Variants in BAZ2B observed in about 807,000 individuals in gnomAD.
BAZ2B encodes the protein bromodomain adjacent to zinc finger domain protein 2B.
BAZ2B carries 91 observed loss-of-function variants against 246.0 expected under a neutral mutation model. That is an observed-to-expected ratio of 0.37 (90% CI 0.31 to 0.44). The LOEUF is 0.44. Among genes scored for constraint, BAZ2B ranks in the 20% least tolerant of loss-of-function variants. The probability of loss-of-function intolerance (pLI) is 1.00; values close to 1 mark genes in which losing one functional copy is unlikely to be tolerated. For synonymous variants in BAZ2B, 855 were observed against 860.0 expected, an observed-to-expected ratio of 0.99 and a Z score of 0.10; for missense variants, 2,332 against 2,533.7, an observed-to-expected ratio of 0.92 and a Z score of 1.71.
intron 3 of BAZ2B, among the ~76,000 whole-genome samples, chr2:159,466,965 C>G (rs572394670): frequency 7.5e-4 from 114 of 152,152 alleles, no homozygotes; most frequent in Non-Finnish European, 1.3e-3. Context: ...TGAGTACCCA[C>G]GAGCCAGTCA....
chr2:159,495,849 G>A (rs903589452), intron 2 of BAZ2B, among the ~76,000 whole-genome samples: 4 of 150,552 alleles, frequency 2.7e-5, no homozygotes, highest in African/African-American at 9.7e-5. Context: ...CTCACTGGAA[G>A]CTCTGCCTCC....
intron 2 of BAZ2B, among the ~76,000 whole-genome samples, chr2:159,507,882 A>C (rs778539976): frequency 9.2e-5 from 14 of 152,080 alleles, no homozygotes; most frequent in Non-Finnish European, 1.6e-4. Context: ...TAAGTTACTT[A>C]TTTATTTATT....
intron 2 of BAZ2B, among the ~76,000 whole-genome samples, chr2:159,523,692 C>G (rs556565068): frequency 6.6e-6 from 1 of 151,778 alleles, no homozygotes; most frequent in Non-Finnish European, 1.5e-5. Context: ...AGTGAGACTC[C>G]GTCTCAAAAA....
At chr2:159,654,336 T>C in the BAZ2B span, among the ~76,000 whole-genome samples, 11,663 of 152,082 alleles carry the variant, frequency 0.077, 949 homozygotes, top group African/African-American at 0.2. Flanking sequence ...GGTTGAAATA[T>C]ATATGTTGGT....
chr2:159,420,649 TAAC>T (rs2068590773), intron 13 of BAZ2B, among the ~76,000 whole-genome samples: 1 of 152,196 alleles, frequency 6.6e-6, no homozygotes, highest in African/African-American at 2.4e-5. Flanking sequence ...AATACGTTAT[TAAC>T]AATTTATTTT....
chr2:159,377,812 C>CAAAAAAAAAAAAAAAAAAAAAAAA (rs35570732), intron 25 of BAZ2B, among the ~76,000 whole-genome samples: 4 of 94,200 alleles, frequency 4.2e-5, no homozygotes, highest in African/African-American at 1.6e-4. Context: ...ACTCTGTCTC[C>CAAAAAAAAAAAAAAAAAAAAAAAA]AAAAAAAAAA....
the BAZ2B span, among the ~76,000 whole-genome samples, chr2:159,621,960 G>A: frequency 6.6e-6 from 1 of 152,154 alleles, no homozygotes; most frequent in East Asian, 1.9e-4. Context: ...TACAAAATTA[G>A]CCAAGCGTGG....
intron 16 of BAZ2B, among the ~76,000 whole-genome samples, chr2:159,402,092 T>C (rs945471926): frequency 6.6e-6 from 1 of 152,222 alleles, no homozygotes; most frequent in African/African-American, 2.4e-5. Context: ...ACTGATCACA[T>C]TCTTTGATTT....
intron 35 of BAZ2B, 124 bp from the exon 36 acceptor site, chr2:159,325,078 TATATATATATATA>T (rs2063389169): frequency 6.0e-4 from 1 of 1,658 alleles, no homozygotes; most frequent in African/African-American, 1.8e-3. Flanking sequence ...ATATATATAT[TATATATATATATA>T]TTATATATAT....
chr2:159,462,370 C>T lies in BAZ2B; in HGVS notation c.146-8569G>A, dbSNP rs189549145. 709 of 1,161,380 alleles carry T rather than the reference C, an allele frequency of 6.1e-4. 2 individuals carry two copies. Among genetic ancestry groups the T allele is most frequent in the Non-Finnish European group, 6.0e-4 (471 of 784,916 alleles). The allele number at this position is 1,161,380 out of a possible 1,614,324, so 71.9% of individuals were successfully genotyped here. On this transcript the variant is annotated intron_variant, in intron 3 of 36. Coordinates refer to ENST00000392783, the MANE Select transcript of BAZ2B (RefSeq NM_013450.4). ...TGTTGAATCCTTGTCTTTCCACATA[C>T]TGAAGAATCCTACATTCAGCCTTTA...
At chr2:159,331,134 G>C (rs2064683477) in intron 34 of BAZ2B, among the ~76,000 whole-genome samples, 1 of 152,182 alleles carries the variant, frequency 6.6e-6, no homozygotes. Flanking sequence ...GAATGGATGG[G>C]ATCTGAGGCA....
At chr2:159,465,912 T>TAAA (rs2076981248) in intron 3 of BAZ2B, among the ~76,000 whole-genome samples, 1 of 140,704 alleles carries the variant, frequency 7.1e-6, no homozygotes, top group African/African-American at 2.9e-5. Flanking sequence ...AGACCCTGTC[T>TAAA]CAAAAAAAAA....
chr2:159,324,736 T>C (rs1467430287), intron 36 of BAZ2B, 75 bp downstream of exon 36: 4 of 1,025,502 alleles, frequency 3.9e-6, no homozygotes, highest in Non-Finnish European at 5.3e-6. Flanking sequence ...TAAAATATCT[T>C]TGGCTCACTA....
chr2:159,582,267 G>A (rs774796035), intron 1 of BAZ2B, among the ~76,000 whole-genome samples: 27 of 152,208 alleles, frequency 1.8e-4, no homozygotes, highest in Non-Finnish European at 3.4e-4. Context: ...CCATTTTAAA[G>A]TAGTTCTGGA....
intron 2 of BAZ2B, among the ~76,000 whole-genome samples, chr2:159,549,913 T>G (rs1262170904): frequency 6.7e-6 from 1 of 149,766 alleles, no homozygotes; most frequent in African/African-American, 2.5e-5. Flanking sequence ...AACCTCCGCC[T>G]CCCGAGTTCA....
chr2:159,411,075 G>A (rs141748804), intron 14 of BAZ2B, among the ~76,000 whole-genome samples: 22 of 152,272 alleles, frequency 1.4e-4, no homozygotes, highest in African/African-American at 4.1e-4. Context: ...AGGCTGAAGC[G>A]CAGTGGCATG....
chr2:159,598,833 G>C (rs1234044925), intron 1 of BAZ2B, among the ~76,000 whole-genome samples: 1 of 152,144 alleles, frequency 6.6e-6, no homozygotes, highest in Non-Finnish European at 1.5e-5. Context: ...AGGGAGACAA[G>C]AGTGAGACTC....
At chr2:159,384,637 C>T (rs2062409063) in intron 23 of BAZ2B, among the ~76,000 whole-genome samples, 1 of 152,056 alleles carries the variant, frequency 6.6e-6, no homozygotes, top group Admixed American at 6.6e-5. Context: ...AGTGAGAACT[C>T]TGACTTTTAA....
intron 2 of BAZ2B, among the ~76,000 whole-genome samples, chr2:159,521,592 C>T (rs1308402896): frequency 6.6e-6 from 1 of 152,026 alleles, no homozygotes; most frequent in African/African-American, 2.4e-5. Flanking sequence ...TTTGTTCTTA[C>T]TTTCATTTTT....
Sources: gnomAD v4.1 joint callset for allele counts (sites outside exome capture counted in the v4.1 genomes callset) on GRCh38, gnomAD v4.1.1 for gene constraint, MANE v1.5 for transcripts, NCBI Gene and HGNC (gene_info 2026-07-23, HGNC 2026-07-21) for gene names.